SH3GL2: variants seen among roughly 807,000 people sequenced by gnomAD.
SH3GL2 encodes the protein SH3 domain containing GRB2 like 2, endophilin A1.
SH3GL2 carries 24 observed loss-of-function variants against 46.0 expected under a neutral mutation model. The observed-to-expected ratio is 0.52, with a 90% confidence interval of 0.38 to 0.73. The LOEUF (loss-of-function observed/expected upper bound fraction) is 0.73. Among genes scored for constraint, SH3GL2 ranks in the 30% least tolerant of loss-of-function variants. The pLI is 0.00. For missense variants in SH3GL2, 413 were observed against 424.2 expected (o/e 0.97, Z 0.23); for synonymous variants, 196 against 147.1 (o/e 1.33, Z -2.40).
chr9:17,683,804 C>A (rs1820834613), intron 1 of SH3GL2, among the ~76,000 whole-genome samples: 1 of 152,056 alleles, frequency 6.6e-6, no homozygotes, highest in African/African-American at 2.4e-5. Context: ...TTGAGAAAAA[C>A]ACTGTGGCAA....
At chr9:17,654,255 A>G (rs1820020271) in intron 1 of SH3GL2, among the ~76,000 whole-genome samples, 1 of 152,310 alleles carries the variant, frequency 6.6e-6, no homozygotes, top group African/African-American at 2.4e-5. Context: ...TTCTCTGTCT[A>G]TGCTCATGTA....
At chr9:17,599,315 A>T (rs1450151287) in intron 1 of SH3GL2, among the ~76,000 whole-genome samples, 1 of 152,214 alleles carries the variant, frequency 6.6e-6, no homozygotes, top group Non-Finnish European at 1.5e-5. Context: ...GCTGAGTAGC[A>T]AAGGATCCTA....
At chr9:17,737,183 C>G (rs952090218) in intron 1 of SH3GL2, among the ~76,000 whole-genome samples, 6 of 151,806 alleles carry the variant, frequency 4.0e-5, no homozygotes, top group African/African-American at 1.5e-4. Context: ...AGGGGAACAC[C>G]ACACACTGGC....
Position 17,670,657 on chromosome 9 carries a change from C to T in SH3GL2, c.46-76409C>T, listed in dbSNP as rs575409275. Reference sequence around the variant, plus strand: ...TTTCCCAACTTTAGCTCTTGACTATCTTTAGTCCAACTTGGCTGGCAAATT... The same window carrying T: ...TTTCCCAACTTTAGCTCTTGACTATTTTTAGTCCAACTTGGCTGGCAAATT... On this transcript the variant is annotated intron_variant, in intron 1 of 8. Coordinates refer to ENST00000380607, the MANE Select transcript of SH3GL2 (RefSeq NM_003026.5). 2.0e-5 allele frequency among the ~76,000 whole-genome samples: 3 copies of T among 152,320 alleles called. No individual in the cohort carries two copies. The South Asian group carries it at 6.2e-4, about 32-fold the overall frequency.
rs944350637 is a variant in SH3GL2 at position 17,770,505 on chromosome 9, C to T, written c.187+8996C>T. 2.6e-5 allele frequency among the ~76,000 whole-genome samples: 4 copies of T among 152,108 alleles called. No homozygotes were observed. The East Asian group carries it at 5.8e-4, about 22-fold the overall frequency. On this transcript the variant is annotated intron_variant, in intron 3 of 8. Transcript: ENST00000380607. Reference sequence around the variant, plus strand: ...TTCACACCCTTATATAATCCCTTCCCGTTGGGTGTAGATGGAACCTGTGAC... The same window carrying T: ...TTCACACCCTTATATAATCCCTTCCTGTTGGGTGTAGATGGAACCTGTGAC...
At chr9:17,588,851 G>T (rs1253089506) in intron 1 of SH3GL2, among the ~76,000 whole-genome samples, 1 of 152,170 alleles carries the variant, frequency 6.6e-6, no homozygotes, top group East Asian at 1.9e-4. Flanking sequence ...TGAAGAGAAG[G>T]AATAGTTCCT....
At chr9:17,730,084 T>G (rs553710655) in intron 1 of SH3GL2, among the ~76,000 whole-genome samples, 1 of 152,234 alleles carries the variant, frequency 6.6e-6, no homozygotes, top group South Asian at 2.1e-4. Context: ...TGATTCTTCC[T>G]ATCCATGAGC....
chr9:17,752,739 A>T (rs1453047697), intron 2 of SH3GL2, among the ~76,000 whole-genome samples: 1 of 152,146 alleles, frequency 6.6e-6, no homozygotes, highest in Non-Finnish European at 1.5e-5. Flanking sequence ...TCAGGGGTAC[A>T]CGTGCACGTT....
At chr9:17,591,557 T>C (rs1014644826) in intron 1 of SH3GL2, among the ~76,000 whole-genome samples, 1 of 152,224 alleles carries the variant, frequency 6.6e-6, no homozygotes, top group Non-Finnish European at 1.5e-5. Context: ...AAGGGTACAT[T>C]TGTATCAGTT....
chr9:17,716,490 C>G (rs187724522), intron 1 of SH3GL2, among the ~76,000 whole-genome samples: 1 of 152,230 alleles, frequency 6.6e-6, no homozygotes, highest in African/African-American at 2.4e-5. Context: ...AATTCCAGGT[C>G]AATTATAAGG....
intron 1 of SH3GL2, among the ~76,000 whole-genome samples, chr9:17,726,432 T>C (rs1197449376): frequency 6.6e-6 from 1 of 152,170 alleles, no homozygotes; most frequent in East Asian, 1.9e-4. Context: ...ATGTGTTGAT[T>C]TTTATTCACA....
chr9:17,792,762 C>T (rs1824169273), intron 7 of SH3GL2, among the ~76,000 whole-genome samples: 1 of 152,168 alleles, frequency 6.6e-6, no homozygotes, highest in African/African-American at 2.4e-5. Context: ...GAGAGATAGA[C>T]TCCTTCCCAC....
chr9:17,653,806 A>T, intron 1 of SH3GL2: 1 of 842,324 alleles, frequency 1.2e-6, no homozygotes, highest in Non-Finnish European at 1.4e-6. Context: ...GAATTGGGCT[A>T]GTCTTATCAA....
At chr9:17,694,709 G>A (rs903523343) in intron 1 of SH3GL2, among the ~76,000 whole-genome samples, 2 of 152,080 alleles carry the variant, frequency 1.3e-5, no homozygotes, top group African/African-American at 2.4e-5. Flanking sequence ...GAGAGAAACC[G>A]CTATTCTTTC....
intron 1 of SH3GL2, among the ~76,000 whole-genome samples, chr9:17,597,853 T>C (rs978506984): frequency 1.3e-5 from 2 of 152,188 alleles, no homozygotes; most frequent in Non-Finnish European, 2.9e-5. Flanking sequence ...GGCCAGTTTT[T>C]CCCCTCTTTA....
chr9:17,793,677 T>G (rs1358279412), intron 8 of SH3GL2, among the ~76,000 whole-genome samples, 180 bp downstream of exon 8: 1 of 152,270 alleles, frequency 6.6e-6, no homozygotes, highest in Non-Finnish European at 1.5e-5. Context: ...TTTTTTCATT[T>G]ACCTTTTCTT....
At chr9:17,749,931 C>T (rs1822798110) in intron 2 of SH3GL2, among the ~76,000 whole-genome samples, 1 of 152,124 alleles carries the variant, frequency 6.6e-6, no homozygotes, top group African/African-American at 2.4e-5. Context: ...GCAAAGTAAA[C>T]ATCTGATTGA....
intron 1 of SH3GL2, among the ~76,000 whole-genome samples, chr9:17,624,083 C>A (rs1280548061): frequency 6.6e-6 from 1 of 152,120 alleles, no homozygotes; most frequent in Non-Finnish European, 1.5e-5. Flanking sequence ...TTTAAGACTG[C>A]ATCCTGCCCG....
chr9:17,731,274 A>G (rs1822171107), intron 1 of SH3GL2, among the ~76,000 whole-genome samples: 1 of 152,030 alleles, frequency 6.6e-6, no homozygotes, highest in Non-Finnish European at 1.5e-5. Context: ...TTGAAGCCCT[A>G]ACCCCTAATG....
Sources: gnomAD v4.1 joint callset for allele counts (sites outside exome capture counted in the v4.1 genomes callset) on GRCh38, gnomAD v4.1.1 for gene constraint, MANE v1.5 for transcripts, NCBI Gene and HGNC (gene_info 2026-07-23, HGNC 2026-07-21) for gene names.